The following PTPRD variants were observed in gnomAD, a reference collection of about 807,000 sequenced individuals.
The protein encoded by PTPRD is protein tyrosine phosphatase receptor type D, also known as receptor-type tyrosine-protein phosphatase delta.
PTPRD carries 34 observed loss-of-function variants against 214.5 expected under a neutral mutation model. The observed-to-expected ratio is 0.16, with a 90% confidence interval of 0.12 to 0.21. The LOEUF is 0.21. Among genes scored for constraint, PTPRD ranks in the 10% least tolerant of loss-of-function variants. The probability of loss-of-function intolerance (pLI) is 1.00; values close to 1 mark genes in which losing one functional copy is unlikely to be tolerated. For synonymous variants in PTPRD, 1,128 were observed against 845.7 expected (o/e 1.33, Z -5.79); for missense variants, 2,545 against 2,398.7 (o/e 1.06, Z -1.27).
At chr9:10,366,887 T>C (rs966509342) in intron 2 of PTPRD, among the ~76,000 whole-genome samples, 1 of 152,160 alleles carries the variant, frequency 6.6e-6, no homozygotes, top group African/African-American at 2.4e-5. Flanking sequence ...ACTATGAGTA[T>C]AGACTATTAA....
intron 39 of PTPRD, among the ~76,000 whole-genome samples, chr9:8,351,470 T>A: frequency 1.3e-5 from 2 of 151,122 alleles, no homozygotes; most frequent in South Asian, 2.1e-4. Context: ...TATAAAGCAA[T>A]GGGTAAAAAG....
intron 12 of PTPRD, among the ~76,000 whole-genome samples, chr9:8,726,599 A>G (rs1268901079): frequency 3.3e-4 from 1 of 3,058 alleles, no homozygotes; most frequent in Non-Finnish European, 6.9e-4. Context: ...ATATATATAT[A>G]TATATATATA....
chr9:9,487,052 A>C (rs1029489218), intron 8 of PTPRD, among the ~76,000 whole-genome samples: 1 of 151,706 alleles, frequency 6.6e-6, no homozygotes, highest in Non-Finnish European at 1.5e-5. Flanking sequence ...GTCATTACTC[A>C]TTTTCTTTTT....
At chr9:10,412,269 G>C (rs1338619590) in intron 2 of PTPRD, among the ~76,000 whole-genome samples, 1 of 151,752 alleles carries the variant, frequency 6.6e-6, no homozygotes, top group Non-Finnish European at 1.5e-5. Flanking sequence ...ATAACAATTA[G>C]AAACTACTAC....
rs1565557288 is a variant in PTPRD, at chr9:10,364,005, T to TG, written c.-599-22989_-599-22988insC. 7.8e-4 allele frequency among the ~76,000 whole-genome samples: 103 copies of TG among 131,664 alleles called. 4 individuals carry two copies. Among genetic ancestry groups the TG allele is most frequent in the African/African-American group, 2.9e-3 (96 of 33,650 alleles). The allele number at this position is 131,664 out of a possible 152,430, so 86.4% of individuals were successfully genotyped here. ...CACATTTTCGGGTTTTTTTTTTTTT[T>TG]TTTTTTTTTTTTGAGATGGAGTCTT... On this transcript the variant is annotated intron_variant, in intron 2 of 45. Transcript: ENST00000381196.
At chr9:8,700,214 C>A (rs2098042290) in intron 12 of PTPRD, among the ~76,000 whole-genome samples, 1 of 152,142 alleles carries the variant, frequency 6.6e-6, no homozygotes, top group Non-Finnish European at 1.5e-5. Context: ...CATCATACTA[C>A]AAAATTACTT....
chr9:8,477,054 C>G (rs1270638969), intron 30 of PTPRD, among the ~76,000 whole-genome samples: 1 of 151,360 alleles, frequency 6.6e-6, no homozygotes, highest in Non-Finnish European at 1.5e-5. Context: ...GTGAAATGGG[C>G]AGCTAATATG....
intron 10 of PTPRD, 69 bp from the exon 11 acceptor site, chr9:9,018,804 G>C (rs960890673): frequency 6.6e-6 from 1 of 152,110 alleles, no homozygotes; most frequent in African/African-American, 2.4e-5. Context: ...TGCTCATTTA[G>C]GTGATGCATG....
chr9:10,180,199 T>C (rs2154305784), intron 3 of PTPRD, among the ~76,000 whole-genome samples: 1 of 152,100 alleles, frequency 6.6e-6, no homozygotes, highest in East Asian at 1.9e-4. Context: ...AAATTATATA[T>C]AGGATAGACA....
At chr9:9,225,021 C>G (rs139254602) in intron 9 of PTPRD, among the ~76,000 whole-genome samples, 2 of 152,050 alleles carry the variant, frequency 1.3e-5, no homozygotes, top group Non-Finnish European at 2.9e-5. Flanking sequence ...CATTTATACA[C>G]GTATACTGGC....
At chr9:9,189,126 A>C (rs944808423) in intron 9 of PTPRD, among the ~76,000 whole-genome samples, 3 of 152,114 alleles carry the variant, frequency 2.0e-5, no homozygotes, top group Non-Finnish European at 4.4e-5. Context: ...GGAATTTTCC[A>C]TAAGTGTTCA....
At chr9:10,125,624 G>C (rs1363091067) in intron 3 of PTPRD, among the ~76,000 whole-genome samples, 1 of 86,032 alleles carries the variant, frequency 1.2e-5, no homozygotes, top group Non-Finnish European at 2.4e-5. Flanking sequence ...TCGGCTAATT[G>C]TGTGTGTGTG....
chr9:9,809,337 G>A (rs1395756775), intron 5 of PTPRD, among the ~76,000 whole-genome samples: 3 of 144,118 alleles, frequency 2.1e-5, no homozygotes, highest in African/African-American at 7.7e-5. Flanking sequence ...GCCTGATCTC[G>A]GCTCACTGCA....
intron 9 of PTPRD, among the ~76,000 whole-genome samples, chr9:9,223,740 C>T (rs1198160840): frequency 3.3e-5 from 5 of 151,874 alleles, no homozygotes; most frequent in Non-Finnish European, 7.4e-5. Context: ...ATTGACAATG[C>T]AAATCAAATG....
chr9:9,516,082 A>G (rs1347000386), intron 8 of PTPRD, among the ~76,000 whole-genome samples: 1 of 152,120 alleles, frequency 6.6e-6, no homozygotes, highest in Non-Finnish European at 1.5e-5. Flanking sequence ...AGTTCTTGGG[A>G]TAATTTTGAG....
At chr9:8,833,458 G>A (rs1466411238) in intron 11 of PTPRD, among the ~76,000 whole-genome samples, 2 of 151,864 alleles carry the variant, frequency 1.3e-5, no homozygotes, top group Non-Finnish European at 2.9e-5. Context: ...TTTAGTAGAT[G>A]TTACATATAT....
At chr9:8,790,768 G>GAA (rs34252968) in intron 11 of PTPRD, among the ~76,000 whole-genome samples, 32 of 146,252 alleles carry the variant, frequency 2.2e-4, no homozygotes, top group South Asian at 8.6e-4. Flanking sequence ...GTAGGGAAAG[G>GAA]AAAAAAAAAA....
chr9:9,866,077 C>T (rs544242621), intron 5 of PTPRD, among the ~76,000 whole-genome samples: 4 of 152,106 alleles, frequency 2.6e-5, no homozygotes, highest in African/African-American at 4.8e-5. Flanking sequence ...CGGTTATGTG[C>T]CTCTGAAACC....
chr9:9,963,194 T>TA (rs1337187290), intron 4 of PTPRD, among the ~76,000 whole-genome samples: 2 of 152,162 alleles, frequency 1.3e-5, no homozygotes, highest in African/African-American at 4.8e-5. Flanking sequence ...TACTGAGATT[T>TA]AAAAAATCCT....
Sources: gnomAD v4.1 joint callset for allele counts (sites outside exome capture counted in the v4.1 genomes callset) on GRCh38, gnomAD v4.1.1 for gene constraint, MANE v1.5 for transcripts, NCBI Gene and HGNC (gene_info 2026-07-23, HGNC 2026-07-21) for gene names.